TNFAIP8L3: variants seen among roughly 807,000 people sequenced by gnomAD.
TNFAIP8L3 encodes TNF alpha induced protein 8 like 3.
Under a neutral mutation model 11.8 loss-of-function variants are expected in TNFAIP8L3, and 7 were observed. That is an observed-to-expected ratio of 0.59 (90% CI 0.34 to 1.11). The LOEUF (loss-of-function observed/expected upper bound fraction) is 1.11. Among genes scored for constraint, TNFAIP8L3 ranks in the 50% most tolerant of loss-of-function variants. TNFAIP8L3 has a pLI of 0.03. For synonymous variants in TNFAIP8L3, 98 were observed against 103.8 expected, an observed-to-expected ratio of 0.94 and a Z score of 0.34; for missense variants, 219 against 258.6, an observed-to-expected ratio of 0.85 and a Z score of 1.05.
chr15:51,057,722 C>A lies in TNFAIP8L3; in HGVS notation c.*159G>T. The A allele has an allele frequency of 1.5e-6, 1 of 653,712 alleles. No individual in the cohort carries two copies. The highest frequency in any genetic ancestry group is 2.5e-6 in the Non-Finnish European group (1 of 401,916). The allele number at this position is 653,712 out of a possible 1,614,324, so 40.5% of individuals were successfully genotyped here. ...TAGAAAGCTTGGAAGAAAAACACAC[C>A]TGAGCTCAGTTCAGCATCAGAATCA... On this transcript the variant is annotated 3_prime_UTR_variant, in exon 2 of 2. Coordinates refer to ENST00000637513, the MANE Select transcript of TNFAIP8L3 (RefSeq NM_001311175.2).
intron 1 of TNFAIP8L3, among the ~76,000 whole-genome samples, chr15:51,072,073 C>T (rs2065312420): frequency 6.6e-6 from 1 of 152,180 alleles, no homozygotes; most frequent in South Asian, 2.1e-4. Flanking sequence ...GATCACAGGG[C>T]TGGCAACTAT....
intron 1 of TNFAIP8L3, among the ~76,000 whole-genome samples, chr15:51,086,839 C>G (rs1159442974): frequency 6.6e-6 from 1 of 151,542 alleles, no homozygotes; most frequent in Non-Finnish European, 1.5e-5. Flanking sequence ...TGGGGCTGAC[C>G]TTGGGCTGGC....
chr15:51,104,956 TC>T lies in TNFAIP8L3; in HGVS notation c.172+48del, dbSNP rs764243546. 1.9e-6 allele frequency: 3 copies of T among 1,612,348 alleles called. No individual in the cohort carries two copies. The African/African-American group carries it at 4.0e-5, about 22-fold the overall frequency. On this transcript the variant is annotated intron_variant, in intron 1 of 2. Coordinates refer to the TNFAIP8L3 transcript ENST00000327536. ...CCACCTTGCATGCTTTGCACAAGCC[TC>T]CCCGCCCCTATACTTCCTTCTCTGC...
intron 1 of TNFAIP8L3, among the ~76,000 whole-genome samples, chr15:51,102,118 G>A (rs567194222): frequency 3.3e-5 from 5 of 152,012 alleles, no homozygotes; most frequent in Admixed American, 6.6e-5. Flanking sequence ...TGGAGTCCAC[G>A]ACTTTTTGGA....
chr15:51,097,432 G>A (rs1485524267), upstream of TNFAIP8L3, among the ~76,000 whole-genome samples: 1 of 152,118 alleles, frequency 6.6e-6, no homozygotes, highest in Non-Finnish European at 1.5e-5. Flanking sequence ...AACTGGTCAA[G>A]GTATCCTGAA....
chr15:51,096,643 G>A (rs1391690538), upstream of TNFAIP8L3, among the ~76,000 whole-genome samples: 1 of 152,132 alleles, frequency 6.6e-6, no homozygotes, highest in Non-Finnish European at 1.5e-5. Context: ...TGTAATCCCA[G>A]CACTTTGGGA....
intron 1 of TNFAIP8L3, among the ~76,000 whole-genome samples, chr15:51,066,180 T>C (rs1395696962): frequency 8.4e-6 from 1 of 119,216 alleles, no homozygotes; most frequent in Non-Finnish European, 1.8e-5. Context: ...TTTTTTTTTT[T>C]GAGACAGAGT....
At chr15:51,074,136 A>G (rs1471281938) in intron 1 of TNFAIP8L3, among the ~76,000 whole-genome samples, 1 of 152,216 alleles carries the variant, frequency 6.6e-6, no homozygotes, top group Non-Finnish European at 1.5e-5. Context: ...TATCTTTGTC[A>G]AATTTTGATG....
At chr15:51,078,646 C>T (rs1159716572) in intron 1 of TNFAIP8L3, among the ~76,000 whole-genome samples, 2 of 151,964 alleles carry the variant, frequency 1.3e-5, no homozygotes, top group African/African-American at 4.8e-5. Flanking sequence ...TAACTGCTTG[C>T]CTGATCCCTC....
chr15:51,098,736 A>T (rs2065530220), upstream of TNFAIP8L3, among the ~76,000 whole-genome samples: 1 of 152,252 alleles, frequency 6.6e-6, no homozygotes, highest in Non-Finnish European at 1.5e-5. Context: ...TCTTTTGAGA[A>T]GTTTCCTTCT....
intron 1 of TNFAIP8L3, among the ~76,000 whole-genome samples, chr15:51,102,800 T>A (rs1288320915): frequency 6.6e-6 from 1 of 152,132 alleles, no homozygotes; most frequent in Non-Finnish European, 1.5e-5. Flanking sequence ...CTTTACTACA[T>A]CCAGTTTTCA....
intron 1 of TNFAIP8L3, among the ~76,000 whole-genome samples, chr15:51,100,294 A>T (rs754011753): frequency 6.6e-6 from 1 of 152,206 alleles, no homozygotes; most frequent in South Asian, 2.1e-4. Context: ...AATCCTACCC[A>T]GTGAGCTTTG....
intron 1 of TNFAIP8L3, among the ~76,000 whole-genome samples, chr15:51,087,919 T>TTTTATATATATATA (rs1281675922): frequency 9.8e-6 from 1 of 101,562 alleles, no homozygotes; most frequent in African/African-American, 3.7e-5. Context: ...TAGCATACCT[T>TTTTATATATATATA]TATATATATA....
chr15:51,103,687 C>T (rs920596866), intron 1 of TNFAIP8L3, among the ~76,000 whole-genome samples: 5 of 152,236 alleles, frequency 3.3e-5, no homozygotes, highest in Non-Finnish European at 1.5e-5. Context: ...GGTCTTCTAT[C>T]CTTCCAAACT....
intron 1 of TNFAIP8L3, chr15:51,104,885 C>T: frequency 1.7e-6 from 2 of 1,186,538 alleles, no homozygotes; most frequent in Non-Finnish European, 2.4e-6. Flanking sequence ...GATGGGCTGC[C>T]TGTGCTGGCC....
chr15:51,085,398 C>G (rs2065420449), intron 1 of TNFAIP8L3, among the ~76,000 whole-genome samples: 2 of 152,064 alleles, frequency 1.3e-5, no homozygotes, highest in African/African-American at 4.8e-5. Context: ...GCTCTTCTGA[C>G]TAAGAAAGAG....
At chr15:51,082,095 A>G (rs899054272) in intron 1 of TNFAIP8L3, among the ~76,000 whole-genome samples, 4 of 151,338 alleles carry the variant, frequency 2.6e-5, no homozygotes, top group Admixed American at 6.6e-5. Flanking sequence ...GTGAAAAAGC[A>G]TAGTCAACAT....
exon 1 of TNFAIP8L3, chr15:51,105,120 C>G (rs1215781706): frequency 1.2e-6 from 2 of 1,614,190 alleles, no homozygotes; most frequent in Non-Finnish European, 1.7e-6. Flanking sequence ...TCCCCTTTGG[C>G]TCTGCCTCAC....
At chr15:51,070,009 TATGTG>T (rs1368691238) in intron 1 of TNFAIP8L3, among the ~76,000 whole-genome samples, 1 of 152,250 alleles carries the variant, frequency 6.6e-6, no homozygotes, top group African/African-American at 2.4e-5. Flanking sequence ...GGGCCAGTCT[TATGTG>T]ATAGAACATA....
Sources: allele counts gnomAD v4.1 joint callset (sites outside exome capture counted in the v4.1 genomes callset), GRCh38; gene constraint gnomAD v4.1.1; transcripts MANE v1.5; gene names NCBI Gene and HGNC (gene_info 2026-07-23, HGNC 2026-07-21).